PDE1C: variants seen among roughly 807,000 people sequenced by gnomAD.
PDE1C encodes phosphodiesterase 1C, also known as dual specificity calcium/calmodulin-dependent 3',5'-cyclic nucleotide phosphodiesterase 1C.
Under a neutral mutation model 93.1 loss-of-function variants are expected in PDE1C, and 62 were observed. The observed-to-expected ratio is 0.67, with a 90% confidence interval of 0.54 to 0.82. PDE1C has a LOEUF of 0.82. PDE1C is among the 40% of genes least tolerant of loss of function. PDE1C has a pLI of 0.00. For missense variants in PDE1C, 742 were observed against 884.6 expected, an observed-to-expected ratio of 0.84 and a Z score of 2.04; for synonymous variants, 325 against 310.1, an observed-to-expected ratio of 1.05 and a Z score of -0.50.
chr7:31,630,528 A>G, the PDE1C span, among the ~76,000 whole-genome samples: 1 of 152,180 alleles, frequency 6.6e-6, no homozygotes, highest in African/African-American at 2.4e-5. Flanking sequence ...AAAGATTCTG[A>G]GGCTGAATTT....
intron 1 of PDE1C, among the ~76,000 whole-genome samples, chr7:32,343,586 T>C (rs1019439163): frequency 1.3e-5 from 2 of 152,212 alleles, no homozygotes; most frequent in Admixed American, 6.5e-5. Flanking sequence ...ACAACTCAAG[T>C]TGACATAAAA....
chr7:32,113,602 G>A (rs1015483873), intron 3 of PDE1C, among the ~76,000 whole-genome samples: 3 of 151,120 alleles, frequency 2.0e-5, no homozygotes, highest in African/African-American at 7.3e-5. Context: ...TTGAATTTCT[G>A]GCATATTTAC....
chr7:31,836,327 T>C (rs1791095711), intron 11 of PDE1C, among the ~76,000 whole-genome samples: 1 of 145,090 alleles, frequency 6.9e-6, no homozygotes, highest in Non-Finnish European at 1.5e-5. Flanking sequence ...TAATTAAAGA[T>C]CCTGCCTGTT....
intron 1 of PDE1C, among the ~76,000 whole-genome samples, chr7:32,360,867 A>T (rs1327280348): frequency 2.6e-5 from 4 of 152,236 alleles, no homozygotes. Context: ...ATAGAAACCC[A>T]TGAGGTGACC....
intron 1 of PDE1C, among the ~76,000 whole-genome samples, chr7:32,425,182 A>G (rs1785504441): frequency 1.3e-5 from 2 of 152,132 alleles, no homozygotes; most frequent in South Asian, 4.1e-4. Flanking sequence ...AGATTGCAGC[A>G]TAACTAGTTT....
At chr7:32,060,246 G>A (rs1794650668) in intron 1 of PDE1C, among the ~76,000 whole-genome samples, 1 of 152,106 alleles carries the variant, frequency 6.6e-6, no homozygotes, top group Non-Finnish European at 1.5e-5. Flanking sequence ...TCACTTCAAT[G>A]TCAGTCTAAT....
At chr7:32,177,108 C>T (rs1282032233) in intron 2 of PDE1C, among the ~76,000 whole-genome samples, 1 of 152,134 alleles carries the variant, frequency 6.6e-6, no homozygotes, top group South Asian at 2.1e-4. Context: ...CTAAGAAAGA[C>T]GAACAAAGAA....
chr7:31,981,217 A>G (rs913956360), intron 2 of PDE1C, among the ~76,000 whole-genome samples: 4 of 152,188 alleles, frequency 2.6e-5, no homozygotes, highest in African/African-American at 7.2e-5. Flanking sequence ...TATAGTCAAG[A>G]ATATTACCAT....
At chr7:32,127,451 A>C (rs968564235) in intron 3 of PDE1C, among the ~76,000 whole-genome samples, 1 of 152,224 alleles carries the variant, frequency 6.6e-6, no homozygotes, top group Middle Eastern at 3.4e-3. Flanking sequence ...TGAAGAAAAG[A>C]CAGAACCAAT....
At chr7:32,094,202 A>G (rs917995300) in intron 3 of PDE1C, among the ~76,000 whole-genome samples, 3 of 152,214 alleles carry the variant, frequency 2.0e-5, no homozygotes, top group Admixed American at 2.0e-4. Flanking sequence ...CAAGCTACCA[A>G]CATGATGGCA....
chr7:32,049,864 A>G (rs966259162), intron 2 of PDE1C, among the ~76,000 whole-genome samples: 11 of 152,290 alleles, frequency 7.2e-5, no homozygotes, highest in Non-Finnish European at 1.5e-4. Context: ...ATATTACAGA[A>G]TATAACAATG....
At chr7:31,822,474 C>A (rs961728467) in intron 14 of PDE1C, among the ~76,000 whole-genome samples, 1 of 152,108 alleles carries the variant, frequency 6.6e-6, no homozygotes, top group African/African-American at 2.4e-5. Flanking sequence ...ATACAAATTT[C>A]CATATTTTTC....
chr7:31,863,489 C>T lies in PDE1C; in HGVS notation c.750+1453G>A, dbSNP rs1024561752. ...ATCCCTGTCTTGCTCCATGTATTCA[C>T]GGAACCATCATTCAATATGATGCTT... is the stretch of plus-strand genomic sequence containing the variant. On this transcript the variant is annotated intron_variant, in intron 7 of 17. Coordinates refer to ENST00000396191, the MANE Select transcript of PDE1C (RefSeq NM_001191057.4). Among the ~76,000 whole-genome samples, 9 of 152,078 alleles carry T rather than the reference C, an allele frequency of 5.9e-5. No individual in the cohort carries two copies. In the South Asian group the frequency reaches 6.2e-4, roughly 11 times the overall value.
chr7:31,856,654 G>A (rs1454471297), intron 7 of PDE1C, among the ~76,000 whole-genome samples: 1 of 149,866 alleles, frequency 6.7e-6, no homozygotes, highest in Non-Finnish European at 1.5e-5. Context: ...GTGCACATGA[G>A]GATACTGAGG....
intron 1 of PDE1C, among the ~76,000 whole-genome samples, chr7:32,213,016 T>C (rs1806164169): frequency 1.3e-5 from 2 of 152,218 alleles, no homozygotes; most frequent in Admixed American, 6.5e-5. Flanking sequence ...GGATCATCAC[T>C]TTTTATCATT....
chr7:31,634,201 C>T, the PDE1C span, among the ~76,000 whole-genome samples: 1 of 152,172 alleles, frequency 6.6e-6, no homozygotes, highest in African/African-American at 2.4e-5. Flanking sequence ...CTGCCCCAAG[C>T]AGGGTCCCCC....
chr7:31,823,810 C>T (rs368520440), intron 13 of PDE1C, among the ~76,000 whole-genome samples: 7 of 152,104 alleles, frequency 4.6e-5, no homozygotes, highest in African/African-American at 1.7e-4. Context: ...ATGCAAAAGA[C>T]CTTATGGGTA....
intron 3 of PDE1C, among the ~76,000 whole-genome samples, chr7:32,164,873 G>A (rs1802137843): frequency 6.6e-6 from 1 of 152,098 alleles, no homozygotes; most frequent in South Asian, 2.1e-4. Flanking sequence ...AGACTGGATG[G>A]ACTTGTCTGT....
At chr7:32,136,709 C>T (rs564619581) in intron 3 of PDE1C, among the ~76,000 whole-genome samples, 9 of 152,258 alleles carry the variant, frequency 5.9e-5, no homozygotes, top group African/African-American at 1.7e-4. Flanking sequence ...ATGGGAAGGC[C>T]GGAGCTGCTG....
Sources: allele counts gnomAD v4.1 joint callset (sites outside exome capture counted in the v4.1 genomes callset), GRCh38; gene constraint gnomAD v4.1.1; transcripts MANE v1.5; gene names NCBI Gene and HGNC (gene_info 2026-07-23, HGNC 2026-07-21).